The following MUC6 variants were observed in gnomAD, a reference collection of about 807,000 sequenced individuals.
The protein encoded by MUC6 is mucin-6.
Under a neutral mutation model 201.5 loss-of-function variants are expected in MUC6, and 188 were observed. The ratio of observed to expected loss-of-function variants is 0.93; its 90% CI spans 0.83 to 1.05. The LOEUF (loss-of-function observed/expected upper bound fraction) is 1.05. Among genes scored for constraint, MUC6 ranks in the 50% least tolerant of loss-of-function variants. The probability of loss-of-function intolerance (pLI) is 0.00; values close to 1 mark genes in which losing one functional copy is unlikely to be tolerated. For missense variants in MUC6, 2,706 were observed against 3,256.9 expected, an observed-to-expected ratio of 0.83 and a Z score of 4.12; for synonymous variants, 1,228 against 1,389.4, an observed-to-expected ratio of 0.88 and a Z score of 2.58.
Position 1,033,085 on chromosome 11 carries a change from C to A in MUC6, c.53-10G>T, listed in dbSNP as rs200010311. 4.3e-6 allele frequency: 7 copies of A among 1,612,986 alleles called. No homozygotes were observed. Among genetic ancestry groups the A allele is most frequent in the Non-Finnish European group, 5.9e-6 (7 of 1,179,342 alleles). On this transcript the variant is annotated splice_polypyrimidine_tract_variant and intron_variant, in intron 1 of 32. Transcript: ENST00000421673. The surrounding 1 kb of genome is among the most constrained non-coding windows in gnomAD (Gnocchi z 5.6). ...GAGGTGTTAGCCAGACCTGTGTGGA[C>A]GGGACCCGCAGTCGGTGTGGGGCTA...
rs1463266648 is a variant in MUC6 at position 1,016,114 on chromosome 11, G to A, written c.6687C>T (p.Ser2229=). The A allele has an allele frequency of 2.5e-6, 4 of 1,613,478 alleles. No individual in the cohort carries two copies. The highest frequency in any genetic ancestry group is 3.4e-6 in the Non-Finnish European group (4 of 1,179,716). ...ATGGGGTGGGAGACACGGTAACAGT[G>A]GATATGGGGAGTAGAGCAGAGAGGG... is the stretch of plus-strand genomic sequence containing the variant. ...PFTLSALLPI[S]TVTVSPTPSS... is the part of the protein sequence containing the mutation. Residue 2229 remains serine (S), a synonymous_variant, in exon 31 of 33, where the codon TCC becomes TCT. Transcript: ENST00000421673.
Position 1,031,983 on chromosome 11 carries a change from G to A in MUC6, c.186C>T (p.Asp62=). ...AGATGTAGTTGCACGTCCCCGAGAA[G>A]TCGTACACGTGGTGGTCGAAGGTGG... The part of the protein sequence containing the change: ...HFSTFDHHVY[D]FSGTCNYIFA... The change falls in exon 3 of 33, where the codon GAC becomes GAT. Residue 62 remains aspartate, a synonymous_variant. Coordinates refer to ENST00000421673, the MANE Select transcript of MUC6 (RefSeq NM_005961.3). 6.2e-7 allele frequency: 1 copy of A among 1,613,650 alleles called. No individual in the cohort carries two copies. Among genetic ancestry groups the A allele is most frequent in the Non-Finnish European group, 8.5e-7 (1 of 1,179,886 alleles).
rs1190230153 is a variant in MUC6 at position 1,026,396 on chromosome 11, T to G, written c.2477A>C (p.Glu826Ala). The change falls in exon 20 of 33, where the codon GAG becomes GCG. Residue 826 changes from glutamate to alanine, a missense_variant. By Grantham distance (107) the Glu-to-Ala change is moderately radical. Coordinates refer to ENST00000421673, the MANE Select transcript of MUC6 (RefSeq NM_005961.3). The stretch of plus-strand genomic sequence containing the variant: ...GACCCCCGAGAACTCACATGGGCAC[T>G]CCTCGGGGGGCACACACTGCCCGTC... ...NADGQCVPPE[E>A]CPCEFSGVSY... The G allele has an allele frequency of 1.9e-6, 3 of 1,607,716 alleles. No homozygotes were observed. The African/African-American group carries it at 4.0e-5, about 22-fold the overall frequency.
rs773341681 is a variant in MUC6 at position 1,029,328 on chromosome 11, G to A, written c.1175C>T (p.Pro392Leu). ...TLGRWVCTER[P>L]CPGHCSLEGG... Reference sequence around the variant, plus strand: ...TTCCAGGGAGCAGTGTCCGGGGCACGGCCGCTCCGTGCACACCCAGCGGCC... The same window carrying A: ...TTCCAGGGAGCAGTGTCCGGGGCACAGCCGCTCCGTGCACACCCAGCGGCC... The change falls in exon 10 of 33, where the codon CCG (proline) becomes CTG (leucine). Residue 392 changes from proline to leucine, a missense_variant. Physicochemically the swap from Pro to Leu is moderately conservative, Grantham distance 98 (BLOSUM62 -3). Coordinates refer to ENST00000421673, the MANE Select transcript of MUC6 (RefSeq NM_005961.3). 10 of 1,604,370 alleles carry A rather than the reference G, an allele frequency of 6.2e-6. No individual in the cohort carries two copies. The highest frequency in any genetic ancestry group is 2.2e-5 in the South Asian group (2 of 89,550).
chr11:1,014,770 C>G (rs1856563065), intron 31 of MUC6, among the ~76,000 whole-genome samples: 2 of 152,180 alleles, frequency 1.3e-5, no homozygotes, highest in Non-Finnish European at 2.9e-5. Context: ...CTGGAGCCTA[C>G]CTGCCCGCTG....
chr11:1,028,524 C>A, intron 13 of MUC6, 122 bp downstream of exon 13: 1 of 1,534,954 alleles, frequency 6.5e-7, no homozygotes, highest in South Asian at 1.2e-5. Flanking sequence ...GCCTGTTACC[C>A]CTGGGGGCTC....
chr11:1,036,689 G>C lies in MUC6; in HGVS notation c.-34C>G. ...GTGGAGAGGAGCTCGCGCTGGGCCC[G>C]GCAGGCCTGCTGCTGCCATCCATGC... On this transcript the variant is annotated 5_prime_UTR_variant, in exon 1 of 33. Transcript: ENST00000421673. The C allele has an allele frequency of 6.5e-7, 1 of 1,541,308 alleles. No homozygotes were observed. Among genetic ancestry groups the C allele is most frequent in the Non-Finnish European group, 8.7e-7 (1 of 1,144,956 alleles).
chr11:1,027,938 C>T (rs539317932), intron 15 of MUC6, 27 bp downstream of exon 15: 2 of 1,563,156 alleles, frequency 1.3e-6, no homozygotes, highest in African/African-American at 2.7e-5. Context: ...CCCCTGCAGC[C>T]CTCCCAAGAC....
In MUC6 at chr11:1,028,912, G is replaced by T. The variant is rs753153403; in HGVS notation, c.1430C>A (p.Ala477Asp). 5 of 1,612,866 alleles carry T rather than the reference G, an allele frequency of 3.1e-6. No individual in the cohort carries two copies. In the East Asian group the frequency reaches 8.9e-5, roughly 29 times the overall value. Residue 477 changes from alanine to aspartate, a missense_variant, in exon 12 of 33, where the codon GCC (alanine) becomes GAC (aspartate). Physicochemically the swap from Ala to Asp is moderately radical, Grantham distance 126 (BLOSUM62 -2). Coordinates refer to ENST00000421673, the MANE Select transcript of MUC6 (RefSeq NM_005961.3). The part of the protein sequence containing the change: ...QDEVVTNNGE[A>D]KWLPYKTRNI... Reference sequence around the variant, plus strand: ...ACGAGTCTTGTATGGCAGCCACTTGGCTTCTCCGTTGTTGGTGACCACCTC... The same window carrying T: ...ACGAGTCTTGTATGGCAGCCACTTGTCTTCTCCGTTGTTGGTGACCACCTC...
Position 1,030,231 on chromosome 11 carries a change from C to G in MUC6, c.997G>C (p.Gly333Arg). The G allele has an allele frequency of 6.4e-7, 1 of 1,551,920 alleles. No homozygotes were observed. The highest frequency in any genetic ancestry group is 8.7e-7 in the Non-Finnish European group (1 of 1,148,358). ...QHSCSSSCTF[G>R]CFCPEGTVLN... is the part of the protein sequence containing the mutation. ...CCCTCACCTTCCGGGCAGAAGCACC[C>G]GAAGGTGCAGGAGCTGGAGCAGCTG... Residue 333 changes from glycine to arginine, a missense_variant, in exon 8 of 33, where the codon GGG (glycine) becomes CGG (arginine). Physicochemically the swap from Gly to Arg is moderately radical, Grantham distance 125. This residue lies in a region of MUC6 where 1,850 missense variants were observed against 1,958.3 expected (regional missense o/e 0.94). Transcript: ENST00000421673.
chr11:1,013,721 C>T (rs1856532736), intron 32 of MUC6, 88 bp from the exon 33 acceptor site: 2 of 1,459,600 alleles, frequency 1.4e-6, no homozygotes, highest in South Asian at 2.5e-5. Context: ...CCGCAGAGGC[C>T]TGGACCTCCC....
chr11:1,019,291 C>G lies in MUC6; in HGVS notation c.4014G>C (p.Gly1338=), dbSNP rs1856754354. Residue 1338 remains glycine (G), a synonymous_variant, in exon 30 of 33, where the codon GGG becomes GGC. Transcript: ENST00000421673. Reference sequence around the variant, plus strand: ...ATGACTTACGCAGCGTGGGGCTTGTCCCTGATGTGGCTGGGGTTGGTAGTG... The same window carrying G: ...ATGACTTACGCAGCGTGGGGCTTGTGCCTGATGTGGCTGGGGTTGGTAGTG... ...TMTLPTPATS[G]TSPTLPKSTN... is the part of the protein sequence containing the mutation. 1 of 1,614,002 alleles carries G rather than the reference C, an allele frequency of 6.2e-7. No homozygotes were observed. The highest frequency in any genetic ancestry group is 2.2e-5 in the East Asian group (1 of 44,874).
intron 26 of MUC6, 22 bp from the exon 27 acceptor site, chr11:1,021,299 G>T (rs775215699): frequency 1.3e-6 from 2 of 1,505,546 alleles, no homozygotes; most frequent in South Asian, 2.7e-5. Context: ...AACGGCCAGG[G>T]TCTGTGTGAC....
rs1160970362 is a variant in MUC6 at position 1,036,710 on chromosome 11, C to G, written c.-55G>C. ...GCCCGGCAGGCCTGCTGCTGCCATC[C>G]ATGCGGCTCCAACGGCCGGTCCTGG... is the stretch of plus-strand genomic sequence containing the variant. On this transcript the variant is annotated 5_prime_UTR_variant, in exon 1 of 33. The change abolishes an upstream ATG in the 5' untranslated region. Transcript: ENST00000421673. 1 of 1,525,604 alleles carries G rather than the reference C, an allele frequency of 6.6e-7. No individual in the cohort carries two copies. The highest frequency in any genetic ancestry group is 8.8e-7 in the Non-Finnish European group (1 of 1,134,208). The allele number at this position is 1,525,604 out of a possible 1,614,324, so 94.5% of individuals were successfully genotyped here.
chr11:1,031,115 C>CCGGG, intron 5 of MUC6, 54 bp downstream of exon 5: 4 of 1,395,058 alleles, frequency 2.9e-6, no homozygotes, highest in Non-Finnish European at 2.9e-6. Flanking sequence ...CCCCCCTGCC[C>CCGGG]TGCCCCCCAC....
intron 26 of MUC6, among the ~76,000 whole-genome samples, chr11:1,022,035 G>A (rs1269743992): frequency 8.8e-5 from 13 of 148,112 alleles, no homozygotes; most frequent in Non-Finnish European, 1.3e-4. Context: ...ACACCCCTCT[G>A]CAGCCCGGTG....
At chr11:1,031,118 C>T (rs1857091939) in intron 5 of MUC6, 51 bp downstream of exon 5, 4 of 458,934 alleles carry the variant, frequency 8.7e-6, no homozygotes, top group South Asian at 1.9e-5. Flanking sequence ...CCCTGCCCTG[C>T]CCCCCACCTA....
chr11:1,023,745 G>A (rs1364204055), intron 25 of MUC6, 93 bp from the exon 26 acceptor site: 1 of 1,540,014 alleles, frequency 6.5e-7, no homozygotes, highest in Non-Finnish European at 8.8e-7. Flanking sequence ...GAACCTGAGT[G>A]TGGGCGGGGA....
Position 1,030,937 on chromosome 11 carries a change from C to G in MUC6, c.684+10G>C, listed in dbSNP as rs901396421. The G allele has an allele frequency of 1.3e-6, 2 of 1,560,816 alleles. No individual in the cohort carries two copies. The highest frequency in any genetic ancestry group is 1.7e-6 in the Non-Finnish European group (2 of 1,153,178). ...CTGGGGTCAGCCCCACCTGGAGCCCCCTTGCTTACGTGCTGGGCCTGCCGG... is the reference window on the plus strand; with the variant it reads ...CTGGGGTCAGCCCCACCTGGAGCCCGCTTGCTTACGTGCTGGGCCTGCCGG... On this transcript the variant is annotated intron_variant, in intron 6 of 32. Transcript: ENST00000421673.
Sources: allele counts gnomAD v4.1 joint callset (sites outside exome capture counted in the v4.1 genomes callset), GRCh38; gene constraint gnomAD v4.1.1; regional missense constraint gnomAD v4.1.1; non-coding constraint Gnocchi (gnomAD v3.1); transcripts MANE v1.5; gene names NCBI Gene and HGNC (gene_info 2026-07-23, HGNC 2026-07-21).